Variants in UGT2B4 observed in about 807,000 individuals in gnomAD.
UGT2B4 encodes the protein UDP-glucuronosyltransferase 2B4.
UGT2B4 carries 49 observed loss-of-function variants against 49.8 expected under a neutral mutation model. The observed-to-expected ratio is 0.98, with a 90% CI of 0.78 to 1.25. The LOEUF (loss-of-function observed/expected upper bound fraction) is 1.25, where lower values mean the gene tolerates loss of function less well. UGT2B4 is among the 50% of genes most tolerant of loss of function. UGT2B4 has a pLI of 0.00. For missense variants in UGT2B4, 729 were observed against 627.7 expected (o/e 1.16, Z -1.73); for synonymous variants, 246 against 217.7 (o/e 1.13, Z -1.14).
chr4:69,498,885 G>T (rs1728231414), upstream of UGT2B4, among the ~76,000 whole-genome samples: 1 of 151,966 alleles, frequency 6.6e-6, no homozygotes, highest in African/African-American at 2.4e-5. Context: ...TCTGATCTTA[G>T]TTATTTCTTG....
chr4:69,515,613 G>A (rs1728709440), intron 1 of UGT2B4, among the ~76,000 whole-genome samples: 1 of 151,974 alleles, frequency 6.6e-6, no homozygotes, highest in African/African-American at 2.4e-5. Context: ...AGAACCAAAA[G>A]CAAGCAAACC....
intron 1 of UGT2B4, among the ~76,000 whole-genome samples, chr4:69,511,567 G>A (rs1394296789): frequency 6.6e-6 from 1 of 151,958 alleles, no homozygotes; most frequent in Non-Finnish European, 1.5e-5. Context: ...TTCTGTTGAG[G>A]AATTTTTCAT....
rs571793380 is a variant in UGT2B4 at position 69,515,453 on chromosome 4, C to A, written c.-106+10234G>T. Among the ~76,000 whole-genome samples, 3 of 152,272 alleles carry A rather than the reference C, an allele frequency of 2.0e-5. No individual in the cohort carries two copies. The East Asian group carries it at 5.8e-4, about 29-fold the overall frequency. ...AAATTAAGGCAGAAGTTAATGAGTT[C>A]TTTAACTAATGAGAACAAAGGGACA... On this transcript the variant is annotated intron_variant, in intron 1 of 1. Transcript: ENST00000510114.
intron 1 of UGT2B4, among the ~76,000 whole-genome samples, chr4:69,514,793 A>G (rs143197150): frequency 5.8e-4 from 89 of 152,232 alleles, no homozygotes; most frequent in African/African-American, 2.0e-3. Flanking sequence ...ACCCTTACAG[A>G]CACATCTCAC....
chr4:69,511,335 G>A (rs1345597979), intron 1 of UGT2B4, among the ~76,000 whole-genome samples: 3 of 151,934 alleles, frequency 2.0e-5, no homozygotes, highest in African/African-American at 4.8e-5. Flanking sequence ...CTATTTTGTT[G>A]AGAGACTTTT....
intron 1 of UGT2B4, among the ~76,000 whole-genome samples, chr4:69,520,486 C>T (rs909073314): frequency 1.3e-5 from 2 of 152,190 alleles, no homozygotes; most frequent in African/African-American, 2.4e-5. Context: ...ACTTGGGCAT[C>T]CCTGTATTCA....
chr4:69,520,423 G>T (rs1728822066), intron 1 of UGT2B4, among the ~76,000 whole-genome samples: 1 of 152,220 alleles, frequency 6.6e-6, no homozygotes, highest in Admixed American at 6.5e-5. Context: ...AGTTGGCAGG[G>T]TGGTAGCACC....
chr4:69,493,624 AC>A, intron 2 of UGT2B4, 68 bp downstream of exon 2: 1 of 1,505,172 alleles, frequency 6.6e-7, no homozygotes, highest in Non-Finnish European at 8.8e-7. Flanking sequence ...TAAGTCAAAC[AC>A]TTTGAATGAA....
At chr4:69,487,635 T>A (rs1056976449) in intron 3 of UGT2B4, among the ~76,000 whole-genome samples, 1 of 151,996 alleles carries the variant, frequency 6.6e-6, no homozygotes. Flanking sequence ...GAAAAATAAC[T>A]AAAAGGTACT....
At chr4:69,483,971 C>A (rs1164893986) in intron 5 of UGT2B4, among the ~76,000 whole-genome samples, 1 of 151,826 alleles carries the variant, frequency 6.6e-6, no homozygotes, top group African/African-American at 2.4e-5. Flanking sequence ...AGACAAATAT[C>A]AAAGTTTTAA....
chr4:69,501,701 G>C (rs1015758077), intron 1 of UGT2B4, among the ~76,000 whole-genome samples: 1 of 152,132 alleles, frequency 6.6e-6, no homozygotes, highest in African/African-American at 2.4e-5. Flanking sequence ...GGTTAGTATA[G>C]AGCTTCTGGG....
At chr4:69,525,827 C>T (rs1458328653) in exon 1 of UGT2B4, 6 of 879,386 alleles carry the variant, frequency 6.8e-6, no homozygotes, top group South Asian at 5.6e-5. Context: ...CCAGGCTGGG[C>T]GAGGTGGCTC....
At chr4:69,508,052 T>C (rs776413326) in intron 1 of UGT2B4, among the ~76,000 whole-genome samples, 14 of 152,140 alleles carry the variant, frequency 9.2e-5, no homozygotes, top group Non-Finnish European at 1.6e-4. Flanking sequence ...ACAGACACTT[T>C]TCAAAAGAAG....
intron 3 of UGT2B4, among the ~76,000 whole-genome samples, chr4:69,487,356 A>G (rs1163483374): frequency 6.6e-6 from 1 of 152,228 alleles, no homozygotes; most frequent in Non-Finnish European, 1.5e-5. Flanking sequence ...ATGCCCATCA[A>G]TGATGGATTC....
chr4:69,500,808 C>T (rs1455462570), upstream of UGT2B4, among the ~76,000 whole-genome samples: 2 of 152,070 alleles, frequency 1.3e-5, no homozygotes, highest in Non-Finnish European at 2.9e-5. Flanking sequence ...TCTCTGCAAC[C>T]CTCGGGTCAG....
chr4:69,513,548 G>A (rs984366613), intron 1 of UGT2B4, among the ~76,000 whole-genome samples: 13 of 152,062 alleles, frequency 8.5e-5, no homozygotes, highest in African/African-American at 2.7e-4. Flanking sequence ...TTTTGGTTAA[G>A]ATTGCCTTGG....
upstream of UGT2B4, chr4:69,496,071 G>T: frequency 2.8e-6 from 2 of 726,182 alleles, no homozygotes; most frequent in Non-Finnish European, 3.8e-6. Flanking sequence ...TGTTCTTTTT[G>T]GATTTTTTTT....
chr4:69,496,962 A>G (rs979011309), upstream of UGT2B4, among the ~76,000 whole-genome samples: 1 of 151,786 alleles, frequency 6.6e-6, no homozygotes, highest in Non-Finnish European at 1.5e-5. Context: ...AAAAAAAAAA[A>G]AAGTAAACCA....
At chr4:69,512,917 TA>T (rs1252195368) in intron 1 of UGT2B4, among the ~76,000 whole-genome samples, 11 of 152,146 alleles carry the variant, frequency 7.2e-5, no homozygotes, top group African/African-American at 2.7e-4. Flanking sequence ...TTTGCCCACT[TA>T]TTGCTGGGGT....
Sources: gnomAD v4.1 joint callset for allele counts (sites outside exome capture counted in the v4.1 genomes callset) on GRCh38, gnomAD v4.1.1 for gene constraint, MANE v1.5 for transcripts, NCBI Gene and HGNC (gene_info 2026-07-23, HGNC 2026-07-21) for gene names.